The following PACS1 variants were observed in gnomAD, a reference collection of about 807,000 sequenced individuals.
PACS1 encodes the protein PACS-1.
In PACS1, 24 loss-of-function variants were observed where a neutral mutation model predicts 115.0. That is an observed-to-expected ratio of 0.21 (90% confidence interval 0.15 to 0.29). PACS1 has a LOEUF of 0.29. Ranked by LOEUF, PACS1 falls within the 10% of genes least tolerant of loss-of-function variation. The pLI, the probability that PACS1 is intolerant of heterozygous loss-of-function variation, is 1.00. For missense variants in PACS1, 838 were observed against 1,251.2 expected (o/e 0.67, Z 4.98); for synonymous variants, 453 against 504.5 (o/e 0.90, Z 1.37).
intron 1 of PACS1, among the ~76,000 whole-genome samples, chr11:66,136,124 C>T (rs1002544918): frequency 9.2e-5 from 14 of 152,140 alleles, no homozygotes; most frequent in Admixed American, 7.2e-4. Flanking sequence ...GTACGTCCTA[C>T]GGGTTATGTG....
At chr11:66,073,194 A>G (rs1857341171) in intron 1 of PACS1, among the ~76,000 whole-genome samples, 1 of 152,230 alleles carries the variant, frequency 6.6e-6, no homozygotes, top group African/African-American at 2.4e-5. Context: ...TTTGCAGGCC[A>G]GAATAACACT....
chr11:66,215,884 T>C (rs896723846), intron 4 of PACS1, among the ~76,000 whole-genome samples: 18 of 148,644 alleles, frequency 1.2e-4, no homozygotes, highest in Non-Finnish European at 2.4e-4. Context: ...TGGGCGACAG[T>C]GAGAGACTCC....
intron 11 of PACS1, among the ~76,000 whole-genome samples, chr11:66,229,699 A>G (rs1364888110): frequency 6.6e-6 from 1 of 151,978 alleles, no homozygotes; most frequent in Non-Finnish European, 1.5e-5. Context: ...AAATAAATAA[A>G]ATAAGTAAAT....
chr11:66,201,586 G>T (rs1486036014), intron 2 of PACS1, among the ~76,000 whole-genome samples: 1 of 140,952 alleles, frequency 7.1e-6, no homozygotes, highest in African/African-American at 2.6e-5. Context: ...TAGAAGAAAA[G>T]AAATAATGAA....
chr11:66,244,297 T>G lies in PACS1; in HGVS notation c.*1017T>G, dbSNP rs1855877039. On this transcript the variant is annotated 3_prime_UTR_variant, in exon 24 of 24. Coordinates refer to ENST00000320580, the MANE Select transcript of PACS1 (RefSeq NM_018026.4). ...TTTTCTGCCTTTCCCTGCTCTGTTC[T>G]TCCCCCTCCTTAGGCCCCAGCCTGG... is the stretch of plus-strand genomic sequence containing the variant. 1.3e-5 allele frequency: 2 copies of G among 152,608 alleles called. No individual in the cohort carries two copies. Among genetic ancestry groups the G allele is most frequent in the Non-Finnish European group, 2.9e-5 (2 of 68,172 alleles). 9.5% of individuals were successfully genotyped at this position (152,608 alleles called of 1,614,324 possible).
intron 1 of PACS1, among the ~76,000 whole-genome samples, chr11:66,175,572 T>C (rs1048285199): frequency 6.6e-6 from 1 of 152,230 alleles, no homozygotes; most frequent in Non-Finnish European, 1.5e-5. Flanking sequence ...ACTGTCACTT[T>C]GCTACGTTTT....
chr11:66,121,422 G>T (rs945783002), intron 1 of PACS1, among the ~76,000 whole-genome samples: 1 of 152,130 alleles, frequency 6.6e-6, no homozygotes, highest in Non-Finnish European at 1.5e-5. Flanking sequence ...GAAGAGTTAC[G>T]TGTCTCTCAC....
intron 1 of PACS1, among the ~76,000 whole-genome samples, chr11:66,162,527 C>T (rs1053822189): frequency 6.6e-6 from 1 of 152,170 alleles, no homozygotes; most frequent in Non-Finnish European, 1.5e-5. Flanking sequence ...CAAGAATGCC[C>T]AGGATTCCCA....
intron 1 of PACS1, among the ~76,000 whole-genome samples, chr11:66,127,724 T>C (rs1260327612): frequency 1.3e-5 from 2 of 152,198 alleles, no homozygotes; most frequent in Non-Finnish European, 2.9e-5. Context: ...AAATGGGAGT[T>C]GATGTCCTGT....
In PACS1 at chr11:66,070,941, C is replaced by G. The variant is rs1022981146; in HGVS notation, c.356+99C>G. 7.6e-6 allele frequency: 9 copies of G among 1,185,020 alleles called. No individual in the cohort carries two copies. The highest frequency in any genetic ancestry group is 4.2e-5 in the Admixed American group (1 of 23,698). 73.4% of individuals were successfully genotyped at this position (1,185,020 alleles called of 1,614,324 possible). A position where few individuals can be genotyped will look rare whatever the true frequency, so the allele number is the denominator to read the frequency against. ...CGCCCATGGGGTCCCCGCCCTCCAT[C>G]TCCCCGACTGTCCCGCGGCCCGGCC... On this transcript the variant is annotated intron_variant, in intron 1 of 23. Transcript: ENST00000320580. This position sits in a 1 kb window ranked among gnomAD's most constrained non-coding sequence, Gnocchi z 5.9.
At chr11:66,075,770 C>T (rs1449615141) in intron 1 of PACS1, among the ~76,000 whole-genome samples, 28 of 142,966 alleles carry the variant, frequency 2.0e-4, no homozygotes, top group African/African-American at 6.8e-4. Flanking sequence ...GACGGAGTCT[C>T]GCTCTGTCCC....
At chr11:66,155,799 C>T (rs774297412) in intron 1 of PACS1, among the ~76,000 whole-genome samples, 18 of 152,048 alleles carry the variant, frequency 1.2e-4, no homozygotes, top group Admixed American at 2.0e-4. Flanking sequence ...GTATTCATGA[C>T]GGCCAAAGGC....
intron 1 of PACS1, among the ~76,000 whole-genome samples, chr11:66,072,566 C>T (rs1184178049): frequency 6.6e-6 from 1 of 152,020 alleles, no homozygotes; most frequent in Non-Finnish European, 1.5e-5. Context: ...TCAGGAGCCA[C>T]ATTAATTTAG....
In PACS1 at chr11:66,239,122, T is replaced by G. The variant is rs1324738481; in HGVS notation, c.2294-20T>G. 3 of 1,613,992 alleles carry G rather than the reference T, an allele frequency of 1.9e-6. No homozygotes were observed. Among genetic ancestry groups the G allele is most frequent in the Non-Finnish European group, 2.5e-6 (3 of 1,180,008 alleles). ...ATAGCTTCCTCTGGCCAACTGTGTT[T>G]GTCGTTTGTCCCCTGACAGGCGATG... On this transcript the variant is annotated intron_variant, in intron 20 of 23. Coordinates refer to ENST00000320580, the MANE Select transcript of PACS1 (RefSeq NM_018026.4).
intron 1 of PACS1, among the ~76,000 whole-genome samples, chr11:66,185,592 C>G (rs1401645144): frequency 6.6e-6 from 1 of 152,164 alleles, no homozygotes; most frequent in African/African-American, 2.4e-5. Flanking sequence ...GAGTCTTCAG[C>G]CAGCTGCCAT....
chr11:66,125,143 A>G (rs763820768), intron 1 of PACS1, among the ~76,000 whole-genome samples: 2 of 152,160 alleles, frequency 1.3e-5, no homozygotes, highest in African/African-American at 4.8e-5. Flanking sequence ...GGGCTAAGCT[A>G]TGAGGATGCA....
chr11:66,196,099 C>T, intron 2 of PACS1, among the ~76,000 whole-genome samples: 1 of 152,166 alleles, frequency 6.6e-6, no homozygotes, highest in Non-Finnish European at 1.5e-5. Flanking sequence ...CACAGTGGCA[C>T]ACCCCTGTAG....
chr11:66,212,416 G>A (rs1354080368), intron 4 of PACS1, among the ~76,000 whole-genome samples: 1 of 151,002 alleles, frequency 6.6e-6, no homozygotes, highest in Non-Finnish European at 1.5e-5. Flanking sequence ...ACAGGCATGA[G>A]CCACTGCGCC....
chr11:66,230,907 C>A lies in PACS1; in HGVS notation c.1593C>A (p.Ser531Arg). 6.2e-7 allele frequency: 1 copy of A among 1,614,144 alleles called. No individual in the cohort carries two copies. The highest frequency in any genetic ancestry group is 8.5e-7 in the Non-Finnish European group (1 of 1,180,000). Reference protein sequence around the residue: ...PLSERTNSSDSERSPDLGHST... With the variant: ...PLSERTNSSDRERSPDLGHST... ...GTGAGAGGACCAACAGTTCCGACAG[C>A]GAGCGCTCCCCAGATCTGGGCCACA... Residue 531 changes from serine (S) to arginine (R), a missense_variant, in exon 13 of 24, where the codon AGC (serine) becomes AGA (arginine). Ser to Arg is a moderately radical substitution (Grantham distance 110). This residue lies in a region of PACS1 where 383 missense variants were observed against 537.0 expected (regional missense o/e 0.71). Transcript: ENST00000320580.
Sources: allele counts gnomAD v4.1 joint callset (sites outside exome capture counted in the v4.1 genomes callset), GRCh38; gene constraint gnomAD v4.1.1; regional missense constraint gnomAD v4.1.1; non-coding constraint Gnocchi (gnomAD v3.1); transcripts MANE v1.5; gene names NCBI Gene and HGNC (gene_info 2026-07-23, HGNC 2026-07-21).